The following NELL1 variants were observed in gnomAD, a reference collection of about 807,000 sequenced individuals.
NELL1 encodes the protein neural EGFL like 1, also known as protein kinase C-binding protein NELL1.
Under a neutral mutation model 107.4 loss-of-function variants are expected in NELL1, and 76 were observed. That is an observed-to-expected ratio of 0.71 (90% CI 0.59 to 0.86). The LOEUF is 0.86. NELL1 is among the 40% of genes least tolerant of loss of function. NELL1 has a pLI of 0.00. For synonymous variants in NELL1, 353 were observed against 341.2 expected, an observed-to-expected ratio of 1.03 and a Z score of -0.38; for missense variants, 1,024 against 1,005.5, an observed-to-expected ratio of 1.02 and a Z score of -0.25.
intron 14 of NELL1, among the ~76,000 whole-genome samples, chr11:21,232,182 T>C (rs1469048697): frequency 8.0e-6 from 1 of 124,876 alleles, no homozygotes; most frequent in African/African-American, 2.9e-5. Flanking sequence ...ATATATAAAT[T>C]AGCTGGGCGT....
chr11:21,471,655 C>T lies in NELL1; in HGVS notation c.1646-62719C>T, dbSNP rs189385603. On this transcript the variant is annotated intron_variant, in intron 15 of 19. Transcript: ENST00000357134. ...ATTCAGTGATGAAGTAGTGCCACTT[C>T]TATTTCCATTAAAGAAATGAAGAAA... Among the ~76,000 whole-genome samples the T allele has an allele frequency of 1.6e-3, 242 of 152,174 alleles. 1 individual carries two copies. Among genetic ancestry groups the T allele is most frequent in the African/African-American group, 5.7e-3 (237 of 41,566 alleles).
chr11:21,566,198 G>A (rs190377398), intron 17 of NELL1, among the ~76,000 whole-genome samples: 3 of 151,906 alleles, frequency 2.0e-5, no homozygotes, highest in Admixed American at 6.6e-5. Flanking sequence ...GTGGGCATCC[G>A]TTTTCCAACC....
chr11:21,284,860 A>G, intron 14 of NELL1: 1 of 301,272 alleles, frequency 3.3e-6, no homozygotes, highest in Non-Finnish European at 6.6e-6. Flanking sequence ...TTGGACAACA[A>G]AAGTGTCCAC....
chr11:21,234,249 T>A (rs1202236795), intron 14 of NELL1, among the ~76,000 whole-genome samples: 1 of 152,184 alleles, frequency 6.6e-6, no homozygotes, highest in African/African-American at 2.4e-5. Context: ...AAATTAAAGA[T>A]ACTGAAATAC....
intron 14 of NELL1, among the ~76,000 whole-genome samples, chr11:21,361,265 T>A (rs1236776001): frequency 1.7e-5 from 1 of 59,398 alleles, no homozygotes; most frequent in Admixed American, 1.8e-4. Context: ...GACAATTTTT[T>A]TTTTTTTTTT....
chr11:20,777,637 C>T (rs1050717449), intron 2 of NELL1, among the ~76,000 whole-genome samples: 3 of 152,182 alleles, frequency 2.0e-5, no homozygotes, highest in African/African-American at 7.2e-5. Flanking sequence ...ACTGTCATTT[C>T]AAATTAAGAA....
At chr11:20,710,110 A>G (rs1424835494) in intron 2 of NELL1, among the ~76,000 whole-genome samples, 3 of 152,130 alleles carry the variant, frequency 2.0e-5, no homozygotes, top group African/African-American at 7.2e-5. Flanking sequence ...GTGAAAGTGA[A>G]TATCCTTGTC....
At chr11:21,434,591 C>G (rs1378198159) in intron 15 of NELL1, among the ~76,000 whole-genome samples, 1 of 152,068 alleles carries the variant, frequency 6.6e-6, no homozygotes, top group African/African-American at 2.4e-5. Flanking sequence ...TTGTTTACTA[C>G]AGCTTTGTAA....
intron 7 of NELL1, among the ~76,000 whole-genome samples, chr11:20,923,967 G>C (rs565815078): frequency 6.6e-6 from 1 of 152,122 alleles, no homozygotes; most frequent in Non-Finnish European, 1.5e-5. Context: ...GATAAAAAAG[G>C]CCTCTGCTGT....
intron 11 of NELL1, among the ~76,000 whole-genome samples, chr11:20,953,952 G>T (rs1007357324): frequency 6.6e-6 from 1 of 152,106 alleles, no homozygotes; most frequent in African/African-American, 2.4e-5. Context: ...CTATTGTCTG[G>T]TATAATGCCT....
intron 9 of NELL1, 101 bp from the exon 10 acceptor site, chr11:20,937,685 G>A: frequency 2.0e-5 from 16 of 814,688 alleles, no homozygotes; most frequent in Non-Finnish European, 3.4e-5. Context: ...CAGAAGCAGA[G>A]AATCTAGGTT....
chr11:21,095,654 A>C (rs1186247778), intron 12 of NELL1, among the ~76,000 whole-genome samples: 1 of 151,954 alleles, frequency 6.6e-6, no homozygotes, highest in Non-Finnish European at 1.5e-5. Context: ...CTTGTTGCCC[A>C]GGCTGGAGTG....
At chr11:21,188,756 C>T (rs1445335110) in intron 13 of NELL1, among the ~76,000 whole-genome samples, 1 of 151,786 alleles carries the variant, frequency 6.6e-6, no homozygotes, top group Non-Finnish European at 1.5e-5. Context: ...GCTGTGTAAC[C>T]TAGGACACTT....
At chr11:20,743,025 T>TA (rs1298370341) in intron 2 of NELL1, among the ~76,000 whole-genome samples, 1 of 152,150 alleles carries the variant, frequency 6.6e-6, no homozygotes, top group African/African-American at 2.4e-5. Context: ...TCAAAGACTC[T>TA]AGAAAGCTCA....
intron 4 of NELL1, among the ~76,000 whole-genome samples, chr11:20,848,239 A>T (rs759147265): frequency 1.3e-5 from 2 of 152,178 alleles, no homozygotes; most frequent in Non-Finnish European, 2.9e-5. Context: ...CTTCTTAAAG[A>T]GGCTGTTCTC....
chr11:21,399,913 C>T (rs918928989), intron 15 of NELL1, among the ~76,000 whole-genome samples: 1 of 151,814 alleles, frequency 6.6e-6, no homozygotes, highest in Non-Finnish European at 1.5e-5. Context: ...ACATTACTGA[C>T]ACCCTGACCT....
rs146878114 is a variant in NELL1, at chr11:21,230,427, C to T, written c.1549+973C>T. ...TGGCATTTAGAGTGTGACTTGCACA[C>T]GGTAGGTGCTTGTTCACTATGTGTT... On this transcript the variant is annotated intron_variant, in intron 14 of 19. Transcript: ENST00000357134. Among the ~76,000 whole-genome samples the T allele has an allele frequency of 4.2e-3, 642 of 152,238 alleles. 1 individual carries two copies. Among genetic ancestry groups the T allele is most frequent in the Non-Finnish European group, 7.7e-3 (521 of 68,020 alleles).
chr11:21,341,972 T>C (rs1270703022), intron 14 of NELL1, among the ~76,000 whole-genome samples: 1 of 152,218 alleles, frequency 6.6e-6, no homozygotes, highest in African/African-American at 2.4e-5. Context: ...AATATATGGA[T>C]TGACTCAAAC....
At chr11:20,874,586 G>A (rs962912736) in intron 4 of NELL1, among the ~76,000 whole-genome samples, 1 of 152,170 alleles carries the variant, frequency 6.6e-6, no homozygotes, top group African/African-American at 2.4e-5. Context: ...TATAGGAGGT[G>A]CTAACTCAAA....
Sources: gnomAD v4.1 joint callset for allele counts (sites outside exome capture counted in the v4.1 genomes callset) on GRCh38, gnomAD v4.1.1 for gene constraint, MANE v1.5 for transcripts, NCBI Gene and HGNC (gene_info 2026-07-23, HGNC 2026-07-21) for gene names.